Variants in LRRC1 observed in about 807,000 individuals in gnomAD.
LRRC1 encodes leucine-rich repeat-containing protein 1.
LRRC1 carries 28 observed loss-of-function variants against 69.9 expected under a neutral mutation model. That is an observed-to-expected ratio of 0.40 (90% confidence interval 0.30 to 0.55). The LOEUF (loss-of-function observed/expected upper bound fraction) is 0.55, where lower values mean the gene tolerates loss of function less well. Ranked by LOEUF, LRRC1 falls within the 20% of genes least tolerant of loss-of-function variation. LRRC1 has a pLI of 0.47. For synonymous variants in LRRC1, 236 were observed against 240.2 expected, an observed-to-expected ratio of 0.98 and a Z score of 0.16; for missense variants, 498 against 609.0, an observed-to-expected ratio of 0.82 and a Z score of 1.92.
chr6:53,829,046 G>A (rs2127411678), intron 1 of LRRC1, among the ~76,000 whole-genome samples: 1 of 152,342 alleles, frequency 6.6e-6, no homozygotes, highest in Non-Finnish European at 1.5e-5. Context: ...TGTATTTACT[G>A]TATTAAGTAA....
At chr6:53,831,820 C>A (rs1267738471) in intron 1 of LRRC1, among the ~76,000 whole-genome samples, 1 of 152,146 alleles carries the variant, frequency 6.6e-6, no homozygotes, top group East Asian at 1.9e-4. Flanking sequence ...TGTCCAGAAA[C>A]ATCAAACCTT....
At chr6:53,906,357 C>G (rs899850679) in intron 10 of LRRC1, among the ~76,000 whole-genome samples, 3 of 152,170 alleles carry the variant, frequency 2.0e-5, no homozygotes, top group African/African-American at 7.2e-5. Flanking sequence ...AAGGAAAAGC[C>G]AAAGTATCTT....
chr6:53,816,583 A>C (rs1335134869), intron 1 of LRRC1, among the ~76,000 whole-genome samples: 1 of 152,186 alleles, frequency 6.6e-6, no homozygotes, highest in Non-Finnish European at 1.5e-5. Flanking sequence ...AAACAGGGCA[A>C]TATTTTTAGT....
At chr6:53,842,996 C>A (rs557468684) in intron 2 of LRRC1, among the ~76,000 whole-genome samples, 1 of 152,124 alleles carries the variant, frequency 6.6e-6, no homozygotes, top group South Asian at 2.1e-4. Flanking sequence ...AGTTTTATAC[C>A]CCTTAGAGTG....
chr6:53,795,303 G>T lies in LRRC1; in HGVS notation c.47G>T (p.Ser16Ile), dbSNP rs61737021. 1.8e-3 allele frequency: 2,950 copies of T among 1,613,134 alleles called. 45 individuals are homozygous for T. The African/African-American group carries it at 0.033, about 18-fold the overall frequency. ...TGGCGGTGCAACCGTCATGTGGAGAGCATCGACAAGCGCCACTGCTCGCTG... is the reference window on the plus strand; with the variant it reads ...TGGCGGTGCAACCGTCATGTGGAGATCATCGACAAGCGCCACTGCTCGCTG... ...PLWRCNRHVE[S>I]IDKRHCSLVY... The change falls in exon 1 of 14, where the codon AGC (serine) becomes ATC (isoleucine). Residue 16 changes from serine to isoleucine, a missense_variant. Physicochemically the swap from Ser to Ile is moderately radical, Grantham distance 142. Transcript: ENST00000370888.
chr6:53,853,016 A>T (rs1562044412), intron 2 of LRRC1, among the ~76,000 whole-genome samples: 1 of 152,172 alleles, frequency 6.6e-6, no homozygotes, highest in African/African-American at 2.4e-5. Flanking sequence ...TGCATCAAAG[A>T]TGGTGCCTTG....
intron 2 of LRRC1, among the ~76,000 whole-genome samples, chr6:53,875,632 G>C (rs1767040965): frequency 6.6e-6 from 1 of 152,096 alleles, no homozygotes; most frequent in African/African-American, 2.4e-5. Flanking sequence ...TGGAATACCT[G>C]GTACTGATAC....
At chr6:53,839,684 A>G (rs1159521317) in intron 1 of LRRC1, among the ~76,000 whole-genome samples, 1 of 152,076 alleles carries the variant, frequency 6.6e-6, no homozygotes, top group East Asian at 1.9e-4. Flanking sequence ...CCATTCTCTC[A>G]ATATTGACAT....
chr6:53,819,505 T>A (rs1229917346), intron 1 of LRRC1, among the ~76,000 whole-genome samples: 1 of 152,102 alleles, frequency 6.6e-6, no homozygotes, highest in Non-Finnish European at 1.5e-5. Context: ...ACTTAAAATA[T>A]TTAGTCTTGG....
rs577605618 is a variant in LRRC1, at chr6:53,802,787, C to T, written c.159+7372C>T. The stretch of plus-strand genomic sequence containing the variant: ...ATCATCCTGTGCTAGAGTACAGGTG[C>T]TGGAGTAGAGGATGCTTTCAAAGAC... On this transcript the variant is annotated intron_variant, in intron 1 of 13. Transcript: ENST00000370888. Among the ~76,000 whole-genome samples, 5 of 152,266 alleles carry T rather than the reference C, an allele frequency of 3.3e-5. No individual in the cohort carries two copies. The East Asian group carries it at 7.7e-4, about 23-fold the overall frequency.
At chr6:53,914,180 G>A (rs1768497762) in intron 11 of LRRC1, among the ~76,000 whole-genome samples, 1 of 152,148 alleles carries the variant, frequency 6.6e-6, no homozygotes, top group Admixed American at 6.5e-5. Context: ...ACCTGAGCAT[G>A]GGTTAAAGTG....
chr6:53,841,638 T>C (rs1235168145), intron 1 of LRRC1, among the ~76,000 whole-genome samples: 1 of 152,180 alleles, frequency 6.6e-6, no homozygotes, highest in Non-Finnish European at 1.5e-5. Context: ...AATATATTTT[T>C]TGCTTGCACA....
chr6:53,900,026 T>TTTG, intron 8 of LRRC1, 135 bp downstream of exon 8: 2 of 150,428 alleles, frequency 1.3e-5, no homozygotes, highest in Non-Finnish European at 1.9e-5. Context: ...TACTGTTTTT[T>TTTG]TTTTTTTTTT....
intron 7 of LRRC1, among the ~76,000 whole-genome samples, chr6:53,897,768 G>A (rs1441865253): frequency 2.0e-5 from 3 of 152,158 alleles, no homozygotes; most frequent in African/African-American, 2.4e-5. Context: ...TCATGTAAAA[G>A]CAATGTTAAA....
chr6:53,880,541 C>G (rs1285909751), intron 3 of LRRC1, among the ~76,000 whole-genome samples: 1 of 152,122 alleles, frequency 6.6e-6, no homozygotes. Flanking sequence ...ACATAAAGTG[C>G]TTCTAGTTAG....
intron 1 of LRRC1, among the ~76,000 whole-genome samples, chr6:53,833,965 C>T (rs1356320518): frequency 1.3e-5 from 2 of 152,150 alleles, no homozygotes; most frequent in Non-Finnish European, 2.9e-5. Context: ...GAAAATTGTT[C>T]AGCATTAGTA....
intron 1 of LRRC1, among the ~76,000 whole-genome samples, chr6:53,834,516 A>T (rs1275256731): frequency 6.6e-6 from 1 of 152,170 alleles, no homozygotes; most frequent in Non-Finnish European, 1.5e-5. Context: ...GCAGGTAGTT[A>T]TCTGAGGATT....
At chr6:53,850,791 C>G (rs1315884682) in intron 2 of LRRC1, among the ~76,000 whole-genome samples, 1 of 152,172 alleles carries the variant, frequency 6.6e-6, no homozygotes, top group African/African-American at 2.4e-5. Flanking sequence ...TGGTAAGAGG[C>G]TGTGCTCCAT....
chr6:53,846,037 A>G (rs921852056), intron 2 of LRRC1, among the ~76,000 whole-genome samples: 5 of 152,204 alleles, frequency 3.3e-5, no homozygotes, highest in Non-Finnish European at 5.9e-5. Context: ...TTTGATTCTA[A>G]AAGCAAAACT....
Sources: gnomAD v4.1 joint callset for allele counts (sites outside exome capture counted in the v4.1 genomes callset) on GRCh38, gnomAD v4.1.1 for gene constraint, MANE v1.5 for transcripts, NCBI Gene and HGNC (gene_info 2026-07-23, HGNC 2026-07-21) for gene names.